Variants in DNAH7 observed in about 807,000 individuals in gnomAD.
The protein encoded by DNAH7 is axonemal beta dynein heavy chain 7.
DNAH7 carries 397 observed loss-of-function variants against 444.6 expected under a neutral mutation model. The ratio of observed to expected loss-of-function variants is 0.89; its 90% CI spans 0.82 to 0.97. The LOEUF is 0.97. Ranked by LOEUF, DNAH7 falls within the 50% of genes least tolerant of loss-of-function variation. DNAH7 has a pLI of 0.00. For synonymous variants in DNAH7, 1,636 were observed against 1,624.4 expected, an observed-to-expected ratio of 1.01 and a Z score of -0.17; for missense variants, 4,902 against 4,800.8, an observed-to-expected ratio of 1.02 and a Z score of -0.62.
chr2:195,738,085 G>A lies in DNAH7; in HGVS notation c.11911C>T (p.Pro3971Ser), dbSNP rs2105864480. The A allele has an allele frequency of 1.2e-6, 2 of 1,613,890 alleles. No homozygotes were observed. The highest frequency in any genetic ancestry group is 1.1e-5 in the South Asian group (1 of 91,076). ...TTATACAATGGAGCAACATAACTTG[G>A]CCGTTTTGGTATATCTGCCCTCTTA... ...PCKRADIPKR[P>S]SYVAPLYKTS... Residue 3971 changes from proline (P) to serine (S), a missense_variant, in exon 65 of 65, where the codon CCA (proline) becomes TCA (serine). Coordinates refer to ENST00000312428, the MANE Select transcript of DNAH7 (RefSeq NM_018897.3).
intron 5 of DNAH7, among the ~76,000 whole-genome samples, chr2:196,029,670 G>A (rs1452483327): frequency 1.3e-5 from 2 of 152,078 alleles, no homozygotes; most frequent in Non-Finnish European, 2.9e-5. Context: ...ATGTCAGAGA[G>A]GTTTAAATAA....
chr2:195,824,669 C>G (rs1263582273), intron 48 of DNAH7, among the ~76,000 whole-genome samples: 1 of 152,184 alleles, frequency 6.6e-6, no homozygotes, highest in African/African-American at 2.4e-5. Context: ...ATCCTGCCTG[C>G]TTCCCTTCTC....
intron 5 of DNAH7, among the ~76,000 whole-genome samples, chr2:196,044,821 A>G (rs1696998574): frequency 6.6e-6 from 1 of 151,942 alleles, no homozygotes; most frequent in East Asian, 1.9e-4. Context: ...TAATCCCAGC[A>G]CTCTGAGAGG....
At chr2:196,044,422 G>T (rs1315093091) in intron 5 of DNAH7, among the ~76,000 whole-genome samples, 2 of 151,020 alleles carry the variant, frequency 1.3e-5, no homozygotes, top group East Asian at 3.9e-4. Flanking sequence ...ATGATATCAT[G>T]GACTCTGGAG....
Position 196,055,034 on chromosome 2 carries a change from G to A in DNAH7, c.78+3020C>T, listed in dbSNP as rs1697718459. On this transcript the variant is annotated intron_variant, in intron 2 of 64. Coordinates refer to ENST00000312428, the MANE Select transcript of DNAH7 (RefSeq NM_018897.3). ...ATACAATGGGAAAACTGACTTTAAA[G>A]TCATTTTAGCTTTATCTTAGAAAAT... Among the ~76,000 whole-genome samples the A allele has an allele frequency of 2.0e-5, 3 of 152,158 alleles. No homozygotes were observed. The South Asian group carries it at 6.2e-4, about 32-fold the overall frequency.
intron 53 of DNAH7, among the ~76,000 whole-genome samples, chr2:195,808,076 G>T (rs754637684): frequency 1.3e-5 from 2 of 152,118 alleles, no homozygotes; most frequent in East Asian, 3.8e-4. Context: ...AAAGCAGGAA[G>T]TCAAGAGAGT....
At chr2:195,923,905 T>C (rs1688178030) in intron 22 of DNAH7, 98 bp from the exon 23 acceptor site, 1 of 1,065,678 alleles carries the variant, frequency 9.4e-7, no homozygotes, top group Non-Finnish European at 1.4e-6. Context: ...ATTCTCTGCA[T>C]TTTGATTACA....
chr2:195,926,285 A>C (rs1688328053), intron 22 of DNAH7, 141 bp downstream of exon 22: 1 of 747,318 alleles, frequency 1.3e-6, no homozygotes, highest in East Asian at 3.4e-5. Context: ...ATTTTTATTT[A>C]AAAAATCTGT....
chr2:195,813,358 C>G lies in DNAH7; in HGVS notation c.9761+3270G>C, dbSNP rs75334962. 0.019 allele frequency among the ~76,000 whole-genome samples: 2,921 copies of G among 152,058 alleles called. 228 individuals are homozygous for G. In the East Asian group the frequency reaches 0.26, roughly 13 times the overall value. On this transcript the variant is annotated intron_variant, in intron 51 of 64. Transcript: ENST00000312428. The stretch of plus-strand genomic sequence containing the variant: ...CTTCCTCCTCTCGTTGAATATAAAC[C>G]CTTTTGAAAACTAGTCAGACCTTTG...
At chr2:195,848,563 A>G (rs1212723999) in intron 46 of DNAH7, among the ~76,000 whole-genome samples, 2 of 152,252 alleles carry the variant, frequency 1.3e-5, no homozygotes, top group African/African-American at 4.8e-5. Context: ...TGCAACGCAA[A>G]GACACTCAGA....
intron 15 of DNAH7, among the ~76,000 whole-genome samples, chr2:195,982,597 T>C (rs921843831): frequency 1.3e-5 from 2 of 152,156 alleles, no homozygotes; most frequent in Admixed American, 1.3e-4. Context: ...CATCAACAGA[T>C]GAATAGAAAA....
intron 41 of DNAH7, 38 bp downstream of exon 41, chr2:195,864,111 C>A: frequency 6.3e-7 from 1 of 1,583,506 alleles, no homozygotes; most frequent in South Asian, 1.1e-5. Flanking sequence ...GGAAATTCAA[C>A]ATTTCTAGAA....
At chr2:195,955,276 T>C (rs1690567486) in intron 19 of DNAH7, among the ~76,000 whole-genome samples, 3 of 152,224 alleles carry the variant, frequency 2.0e-5, no homozygotes, top group Non-Finnish European at 2.9e-5. Flanking sequence ...ATTTATTAAA[T>C]AGGGAATCCT....
intron 13 of DNAH7, 39 bp from the exon 14 acceptor site, chr2:195,987,232 T>C (rs760186064): frequency 3.0e-5 from 43 of 1,431,108 alleles, no homozygotes; most frequent in Non-Finnish European, 3.9e-5. Context: ...TAAGAAGAAA[T>C]AAAACAAATA....
At chr2:195,996,703 G>T (rs1022922512) in intron 12 of DNAH7, among the ~76,000 whole-genome samples, 23 of 152,170 alleles carry the variant, frequency 1.5e-4, no homozygotes, top group Non-Finnish European at 3.2e-4. Flanking sequence ...TGGGATTACA[G>T]GCATGAGCCA....
At chr2:195,806,037 AC>A (rs1696691125) in intron 54 of DNAH7, among the ~76,000 whole-genome samples, 1 of 151,538 alleles carries the variant, frequency 6.6e-6, no homozygotes, top group African/African-American at 2.4e-5. Flanking sequence ...TTTATGTCAA[AC>A]TTTAATTTGA....
intron 3 of DNAH7, among the ~76,000 whole-genome samples, chr2:196,049,183 C>G (rs1326932082): frequency 6.6e-6 from 1 of 152,150 alleles, no homozygotes. Context: ...TCTGTACTGG[C>G]TTCTCTTTCT....
rs576105368 is a variant in DNAH7 at position 196,055,364 on chromosome 2, G to T, written c.78+2690C>A. Among the ~76,000 whole-genome samples, 5 of 151,890 alleles carry T rather than the reference G, an allele frequency of 3.3e-5. No homozygotes were observed. The East Asian group carries it at 9.6e-4, about 29-fold the overall frequency. On this transcript the variant is annotated intron_variant, in intron 2 of 64. Transcript: ENST00000312428. ...TTGTCTCAAAAAAAAATTACAAAAT[G>T]GTTAACCATGCCCTAAAAAATGGAT...
At chr2:196,048,452 AC>A in intron 3 of DNAH7, 48 bp from the exon 4 acceptor site, 4 of 1,525,576 alleles carry the variant, frequency 2.6e-6, no homozygotes. Flanking sequence ...TCAGAAAAAA[AC>A]CTTTTTCCAT....
Sources: gnomAD v4.1 joint callset for allele counts (sites outside exome capture counted in the v4.1 genomes callset) on GRCh38, gnomAD v4.1.1 for gene constraint, MANE v1.5 for transcripts, NCBI Gene and HGNC (gene_info 2026-07-23, HGNC 2026-07-21) for gene names.